ASB9: variants seen among roughly 807,000 people sequenced by gnomAD.
ASB9 encodes the protein ankyrin repeat and SOCS box containing 9.
ASB9 carries 5 observed loss-of-function variants against 16.6 expected under a neutral mutation model. The observed-to-expected ratio is 0.30, with a 90% CI of 0.16 to 0.63. The LOEUF (loss-of-function observed/expected upper bound fraction) is 0.63. Among genes scored for constraint, ASB9 ranks in the 30% least tolerant of loss-of-function variants. The probability of loss-of-function intolerance (pLI) is 0.82; values close to 1 mark genes in which losing one functional copy is unlikely to be tolerated. For missense variants in ASB9, 216 were observed against 229.4 expected (o/e 0.94, Z 0.38); for synonymous variants, 100 against 86.4 (o/e 1.16, Z -0.87).
At chrX:15,252,966 G>A (rs1160540401) in intron 3 of ASB9, among the ~76,000 whole-genome samples, 1 of 112,622 alleles carries the variant, frequency 8.9e-6, no homozygotes, top group Non-Finnish European at 1.9e-5. Context: ...AGGCGCAGTG[G>A]CTCACGCCTA....
chrX:15,250,614 C>G, intron 4 of ASB9, 50 bp from the exon 5 acceptor site: 2 of 1,136,590 alleles, frequency 1.8e-6, no homozygotes, highest in Non-Finnish European at 2.4e-6. Context: ...GTTCCCTTAG[C>G]TAGAAAGACA....
intron 6 of ASB9, among the ~76,000 whole-genome samples, chrX:15,246,499 T>C (rs1216058913): frequency 9.0e-6 from 1 of 111,691 alleles, no homozygotes; most frequent in Non-Finnish European, 1.9e-5. Flanking sequence ...TTTTTGAGAC[T>C]GAGTCTCACT....
intron 2 of ASB9, among the ~76,000 whole-genome samples, chrX:15,255,336 T>C (rs1368264772): frequency 8.9e-6 from 1 of 111,811 alleles, no homozygotes; most frequent in African/African-American, 3.3e-5. Context: ...TCCAAAAGCA[T>C]ACACACTGAA....
intron 1 of ASB9, chrX:15,259,190 G>A (rs911597750): frequency 5.1e-5 from 15 of 296,065 alleles, no homozygotes; most frequent in African/African-American, 4.0e-4. Flanking sequence ...AAGGACAAAA[G>A]AGGTGGATTG....
Position 15,252,310 on chromosome X carries a change from G to A in ASB9, c.377C>T (p.Ala126Val), listed in dbSNP as rs1925185440. ...CAGATCACTCTCAGGTTGAACGCTG[G>A]CTCCGTGCTGCAGAAGCAAATTCAC... Reference protein sequence around the residue: ...DCVNLLLQHGASVQPESDLAS... With the variant: ...DCVNLLLQHGVSVQPESDLAS... The change falls in exon 4 of 7, where the codon GCC becomes GTC. Residue 126 changes from alanine to valine, a missense_variant. Transcript: ENST00000380488. 1 of 1,210,942 alleles carries A rather than the reference G, an allele frequency of 8.3e-7. No individual in the cohort carries two copies. Among genetic ancestry groups the A allele is most frequent in the Non-Finnish European group, 1.1e-6 (1 of 895,187 alleles).
intron 1 of ASB9, among the ~76,000 whole-genome samples, chrX:15,265,613 C>T (rs1413459053): frequency 1.9e-5 from 2 of 103,541 alleles, no homozygotes; most frequent in South Asian, 4.7e-4. Context: ...CCCAGGCCTA[C>T]GACTTCATCA....
intron 5 of ASB9, among the ~76,000 whole-genome samples, 190 bp downstream of exon 5, chrX:15,250,240 G>C (rs1052918361): frequency 9.0e-6 from 1 of 110,911 alleles, no homozygotes; most frequent in Non-Finnish European, 1.9e-5. Context: ...CCTCATCCTT[G>C]TTACAAATGA....
intron 2 of ASB9, among the ~76,000 whole-genome samples, chrX:15,257,559 T>C (rs1234182695): frequency 1.8e-5 from 2 of 111,805 alleles, no homozygotes; most frequent in African/African-American, 6.5e-5. Context: ...GTTCCTTCTG[T>C]AAAGTTAGAA....
intron 1 of ASB9, among the ~76,000 whole-genome samples, chrX:15,268,730 C>T (rs1266641841): frequency 1.8e-5 from 2 of 108,394 alleles, no homozygotes; most frequent in Non-Finnish European, 3.8e-5. Context: ...TATATACAGG[C>T]CTGAACCCGG....
intron 1 of ASB9, among the ~76,000 whole-genome samples, chrX:15,267,338 G>A (rs1265352199): frequency 8.9e-6 from 1 of 112,372 alleles, no homozygotes; most frequent in Non-Finnish European, 1.9e-5. Context: ...TTGAACCCAG[G>A]AGGCCGAGGT....
chrX:15,269,400 C>T (rs941851140), intron 1 of ASB9, among the ~76,000 whole-genome samples: 1 of 111,755 alleles, frequency 8.9e-6, no homozygotes, highest in African/African-American at 3.3e-5. Flanking sequence ...ATAAACCCTG[C>T]CCCACCTAAA....
chrX:15,259,676 G>A (rs1925829772), intron 1 of ASB9, among the ~76,000 whole-genome samples: 2 of 112,109 alleles, frequency 1.8e-5, no homozygotes, highest in Admixed American at 9.5e-5. Context: ...TACAGGTTGA[G>A]CATCCTTAAC....
intron 6 of ASB9, among the ~76,000 whole-genome samples, chrX:15,247,136 C>T (rs1292397592): frequency 9.0e-6 from 1 of 111,432 alleles, no homozygotes; most frequent in African/African-American, 3.3e-5. Context: ...GAGACAGAAA[C>T]TGCTGTGAGC....
intron 1 of ASB9, among the ~76,000 whole-genome samples, chrX:15,267,244 A>G (rs1387873709): frequency 1.9e-5 from 2 of 105,448 alleles, no homozygotes; most frequent in African/African-American, 7.0e-5. Context: ...CTAAAATACA[A>G]AAAAAAAACA....
chrX:15,260,692 C>T (rs1195016261), intron 1 of ASB9, among the ~76,000 whole-genome samples: 1 of 112,083 alleles, frequency 8.9e-6, no homozygotes, highest in Non-Finnish European at 1.9e-5. Flanking sequence ...TTATGCCTTG[C>T]ACGGAAGCTA....
intron 6 of ASB9, among the ~76,000 whole-genome samples, chrX:15,247,249 G>GTTT (rs1299996495): frequency 1.8e-5 from 2 of 111,882 alleles, no homozygotes; most frequent in Non-Finnish European, 3.8e-5. Context: ...GACTCATGGA[G>GTTT]GCAAAACAAG....
chrX:15,250,278 T>C (rs1943133110), intron 5 of ASB9, 152 bp downstream of exon 5: 1 of 586,639 alleles, frequency 1.7e-6, no homozygotes, highest in Non-Finnish European at 2.6e-6. Context: ...CAGTGTGAAA[T>C]AATTCCCCAA....
chrX:15,257,355 G>A (rs192953772), intron 2 of ASB9, among the ~76,000 whole-genome samples: 6 of 110,587 alleles, frequency 5.4e-5, no homozygotes, highest in Admixed American at 9.7e-5. Context: ...GCAGTGAGCC[G>A]AGATCGCGCC....
chrX:15,253,719 C>T (rs757041869), intron 3 of ASB9, among the ~76,000 whole-genome samples: 3 of 112,414 alleles, frequency 2.7e-5, no homozygotes, highest in South Asian at 7.4e-4. Flanking sequence ...AAGTTAATGT[C>T]TAACTTCACA....
Sources: gnomAD v4.1 joint callset for allele counts (sites outside exome capture counted in the v4.1 genomes callset) on GRCh38, gnomAD v4.1.1 for gene constraint, MANE v1.5 for transcripts, NCBI Gene and HGNC (gene_info 2026-07-23, HGNC 2026-07-21) for gene names.